Variants in SCRG1 observed in about 807,000 individuals in gnomAD.
The protein encoded by SCRG1 is scrapie-responsive protein 1.
In SCRG1, 3 loss-of-function variants were observed where a neutral mutation model predicts 7.7. The ratio of observed to expected loss-of-function variants is 0.39; its 90% CI spans 0.18 to 1.01. The LOEUF (loss-of-function observed/expected upper bound fraction) is 1.01, where lower values mean the gene tolerates loss of function less well. Ranked by LOEUF, SCRG1 falls within the 50% of genes least tolerant of loss-of-function variation. The pLI is 0.36. For synonymous variants in SCRG1, 46 were observed against 41.2 expected (o/e 1.12, Z -0.44); for missense variants, 110 against 117.2 (o/e 0.94, Z 0.28).
chr4:173,391,593 T>C (rs1355636808), intron 1 of SCRG1, among the ~76,000 whole-genome samples, 165 bp from the exon 2 acceptor site: 1 of 152,168 alleles, frequency 6.6e-6, no homozygotes, highest in Non-Finnish European at 1.5e-5. Flanking sequence ...TTTATGACCA[T>C]CTATGATAAA....
At chr4:173,408,512 T>C (rs920160568), upstream of SCRG1, among the ~76,000 whole-genome samples, 2 of 152,196 alleles carry the variant, frequency 1.3e-5, no homozygotes, top group African/African-American at 4.8e-5. Context: ...TTAACAATTT[T>C]AAGTGATTTA....
At chr4:173,431,599 A>T in the SCRG1 span, among the ~76,000 whole-genome samples, 1 of 152,216 alleles carries the variant, frequency 6.6e-6, no homozygotes, top group South Asian at 2.1e-4. Flanking sequence ...AAAAGAGACT[A>T]TGCTGGGGCA....
intron 2 of SCRG1, among the ~76,000 whole-genome samples, chr4:173,388,784 T>C (rs1739325477): frequency 6.6e-6 from 1 of 152,182 alleles, no homozygotes; most frequent in South Asian, 2.1e-4. Context: ...CTAGGTTTTA[T>C]GGGGAAAGGA....
At chr4:173,473,211 C>G in the SCRG1 span, among the ~76,000 whole-genome samples, 2 of 152,218 alleles carry the variant, frequency 1.3e-5, no homozygotes, top group East Asian at 3.9e-4. Context: ...CACACAGATA[C>G]CAAAGAAAAT....
chr4:173,394,231 G>A (rs920020231), intron 1 of SCRG1, among the ~76,000 whole-genome samples: 3 of 151,502 alleles, frequency 2.0e-5, no homozygotes, highest in African/African-American at 7.3e-5. Flanking sequence ...TGTTTTGTTG[G>A]TTGTGTTTTT....
At chr4:173,456,872 A>G in the SCRG1 span, among the ~76,000 whole-genome samples, 10 of 152,186 alleles carry the variant, frequency 6.6e-5, no homozygotes, top group Non-Finnish European at 1.5e-4. Flanking sequence ...TCATCAGGGT[A>G]GAGGAGATGA....
the SCRG1 span, among the ~76,000 whole-genome samples, chr4:173,421,073 G>A: frequency 2.6e-5 from 4 of 152,020 alleles, no homozygotes; most frequent in Non-Finnish European, 4.4e-5. Context: ...TTGATAGCTC[G>A]TGCCTAAATA....
At chr4:173,496,324 GA>G in the SCRG1 span, among the ~76,000 whole-genome samples, 616 of 146,696 alleles carry the variant, frequency 4.2e-3, 1 homozygote, top group African/African-American at 9.5e-3. Flanking sequence ...GGGGTTCTTT[GA>G]AAAAAAAAAG....
chr4:173,401,289 A>T (rs1015696746), upstream of SCRG1, among the ~76,000 whole-genome samples: 1 of 152,244 alleles, frequency 6.6e-6, no homozygotes, highest in African/African-American at 2.4e-5. Flanking sequence ...TACTAAATAA[A>T]GATGATGCCA....
chr4:173,424,757 G>C, the SCRG1 span, among the ~76,000 whole-genome samples: 1 of 152,016 alleles, frequency 6.6e-6, no homozygotes, highest in African/African-American at 2.4e-5. Context: ...AAAAATACAA[G>C]AATTAGCTGG....
the SCRG1 span, among the ~76,000 whole-genome samples, chr4:173,493,283 G>T: frequency 6.6e-6 from 1 of 152,098 alleles, no homozygotes; most frequent in Non-Finnish European, 1.5e-5. Context: ...AAGGTGTGTG[G>T]CACTTCCCCC....
At chr4:173,478,637 G>A in the SCRG1 span, among the ~76,000 whole-genome samples, 2 of 152,096 alleles carry the variant, frequency 1.3e-5, no homozygotes, top group African/African-American at 4.8e-5. Context: ...CATGTACTCT[G>A]CAGTCTCAGT....
the SCRG1 span, among the ~76,000 whole-genome samples, chr4:173,480,692 G>T: frequency 1.3e-5 from 2 of 152,078 alleles, no homozygotes; most frequent in Non-Finnish European, 1.5e-5. Context: ...CGTATTATAT[G>T]ATATTAAGGA....
At chr4:173,509,885 G>A in the SCRG1 span, among the ~76,000 whole-genome samples, 1 of 152,202 alleles carries the variant, frequency 6.6e-6, no homozygotes, top group East Asian at 1.9e-4. The surrounding 1 kb of genome is among the most constrained non-coding windows in gnomAD (Gnocchi z 5.7). Context: ...CCACATGCCT[G>A]TTGACTCGGG....
chr4:173,445,691 A>G, the SCRG1 span, among the ~76,000 whole-genome samples: 1 of 142,696 alleles, frequency 7.0e-6, no homozygotes, highest in African/African-American at 2.6e-5. Context: ...TTTGAGATGG[A>G]GTCTTGCTCT....
the SCRG1 span, among the ~76,000 whole-genome samples, chr4:173,464,898 A>G: frequency 1.3e-5 from 2 of 152,236 alleles, no homozygotes; most frequent in South Asian, 4.1e-4. Context: ...GCAATGGGAC[A>G]TTGTTTAGCC....
the SCRG1 span, among the ~76,000 whole-genome samples, chr4:173,436,884 C>T: frequency 2.6e-5 from 4 of 152,248 alleles, no homozygotes; most frequent in East Asian, 5.8e-4. Flanking sequence ...CCTGGTGTCC[C>T]AGGTGTGTTG....
chr4:173,475,876 A>C, the SCRG1 span, among the ~76,000 whole-genome samples: 9 of 152,308 alleles, frequency 5.9e-5, no homozygotes, highest in African/African-American at 1.9e-4. Context: ...ATAGGAATAG[A>C]AAGTATCTAG....
intron 1 of SCRG1, among the ~76,000 whole-genome samples, chr4:173,393,680 C>T (rs377021628): frequency 2.0e-5 from 3 of 146,930 alleles, no homozygotes; most frequent in African/African-American, 7.3e-5. Flanking sequence ...TGTTGATTTT[C>T]TGTCTGGTTA....
Sources: gnomAD v4.1 joint callset for allele counts (sites outside exome capture counted in the v4.1 genomes callset) on GRCh38, gnomAD v4.1.1 for gene constraint, Gnocchi (gnomAD v3.1) non-coding constraint, MANE v1.5 for transcripts, NCBI Gene and HGNC (gene_info 2026-07-23, HGNC 2026-07-21) for gene names.